Variants in TRAPPC8 observed in about 807,000 individuals in gnomAD.
The protein encoded by TRAPPC8 is trafficking protein particle complex subunit 8.
In TRAPPC8, 54 loss-of-function variants were observed where a neutral mutation model predicts 174.3. That is an observed-to-expected ratio of 0.31 (90% CI 0.25 to 0.39). TRAPPC8 has a LOEUF of 0.39. TRAPPC8 is among the 10% of genes least tolerant of loss of function. TRAPPC8 has a pLI of 1.00. For missense variants in TRAPPC8, 1,531 were observed against 1,699.1 expected (o/e 0.90, Z 1.74); for synonymous variants, 630 against 579.9 (o/e 1.09, Z -1.24).
intron 2 of TRAPPC8, among the ~76,000 whole-genome samples, chr18:31,928,173 TAAAA>T (rs1447606135): frequency 4.7e-5 from 7 of 150,032 alleles, no homozygotes; most frequent in South Asian, 2.1e-4. Context: ...TAAAATAAAA[TAAAA>T]TAAAATAAAA....
At chr18:31,918,840 C>G (rs1379850825) in intron 2 of TRAPPC8, among the ~76,000 whole-genome samples, 1 of 152,158 alleles carries the variant, frequency 6.6e-6, no homozygotes, top group Non-Finnish European at 1.5e-5. Flanking sequence ...TTTGAACTTA[C>G]GTAAAACTTA....
At chr18:31,903,805 T>C (rs1340686296) in intron 9 of TRAPPC8, among the ~76,000 whole-genome samples, 2 of 150,694 alleles carry the variant, frequency 1.3e-5, no homozygotes, top group Non-Finnish European at 3.0e-5. Context: ...GCAGGAGGAG[T>C]GCTTGAGCCC....
chr18:31,882,383 A>G (rs78298384), intron 12 of TRAPPC8, among the ~76,000 whole-genome samples: 3 of 152,140 alleles, frequency 2.0e-5, no homozygotes, highest in South Asian at 2.1e-4. Context: ...GCTCTCACTT[A>G]TAAGTGGGAG....
chr18:31,854,024 C>CATTG, intron 21 of TRAPPC8, 79 bp from the exon 22 acceptor site: 1 of 1,068,146 alleles, frequency 9.4e-7, no homozygotes, highest in Non-Finnish European at 1.4e-6. Flanking sequence ...AAAATTCAGA[C>CATTG]ACTGCTACCA....
intron 20 of TRAPPC8, 46 bp downstream of exon 20, chr18:31,857,494 T>C (rs371123284): frequency 1.4e-6 from 2 of 1,430,126 alleles, no homozygotes; most frequent in African/African-American, 2.9e-5. Context: ...TATGTGCATA[T>C]ACATTGAACA....
At chr18:31,860,549 T>C (rs190698341) in intron 19 of TRAPPC8, among the ~76,000 whole-genome samples, 1 of 152,316 alleles carries the variant, frequency 6.6e-6, no homozygotes, top group East Asian at 1.9e-4. Context: ...GATTATTTCA[T>C]CATACAGTAT....
chr18:31,931,416 A>C lies in TRAPPC8; in HGVS notation c.265T>G (p.Leu89Val). Reference sequence around the variant, plus strand: ...TGACTGCCAGAAACAACATCATTCAAAAGCTTCCGGATGGCTCCAGGCTGA... The same window carrying C: ...TGACTGCCAGAAACAACATCATTCACAAGCTTCCGGATGGCTCCAGGCTGA... Reference protein sequence around the residue: ...PPQPGAIRKLLNDVVSGSQPA... With the variant: ...PPQPGAIRKLVNDVVSGSQPA... The change falls in exon 2 of 29, where the codon TTG (leucine) becomes GTG (valine). Residue 89 changes from leucine (L) to valine (V), a missense_variant. By Grantham distance (32) the Leu-to-Val change is conservative. Coordinates refer to ENST00000283351, the MANE Select transcript of TRAPPC8 (RefSeq NM_014939.5). 1 of 1,613,308 alleles carries C rather than the reference A, an allele frequency of 6.2e-7. No homozygotes were observed. Among genetic ancestry groups the C allele is most frequent in the East Asian group, 2.2e-5 (1 of 44,868 alleles).
intron 1 of TRAPPC8, chr18:31,939,461 C>G (rs918572928): frequency 6.6e-6 from 1 of 152,188 alleles, no homozygotes; most frequent in Non-Finnish European, 1.5e-5. Flanking sequence ...TCTTACTACT[C>G]TGTACCCCAG....
At chr18:31,902,537 G>T (rs899893042) in intron 9 of TRAPPC8, among the ~76,000 whole-genome samples, 1 of 152,112 alleles carries the variant, frequency 6.6e-6, no homozygotes, top group Admixed American at 6.5e-5. Context: ...AGCTTGAAAG[G>T]TATTTCCATT....
chr18:31,889,994 T>G (rs1010956773), intron 12 of TRAPPC8, among the ~76,000 whole-genome samples: 1 of 152,206 alleles, frequency 6.6e-6, no homozygotes, highest in Admixed American at 6.5e-5. Context: ...ATTAACTAAA[T>G]CTTTAAAAGA....
At chr18:31,930,902 T>A (rs2037818686) in intron 2 of TRAPPC8, among the ~76,000 whole-genome samples, 1 of 152,174 alleles carries the variant, frequency 6.6e-6, no homozygotes, top group Admixed American at 6.6e-5. Flanking sequence ...CATATGTACA[T>A]ATATGATTTT....
At position 31,836,968 on chromosome 18, in the gene TRAPPC8, T is replaced by C. The variant is rs576121313; in HGVS notation, c.3983+2344A>G. Among the ~76,000 whole-genome samples, 3 of 152,092 alleles carry C rather than the reference T, an allele frequency of 2.0e-5. No homozygotes were observed. The South Asian group carries it at 6.2e-4, about 32-fold the overall frequency. On this transcript the variant is annotated intron_variant, in intron 27 of 28. Coordinates refer to ENST00000283351, the MANE Select transcript of TRAPPC8 (RefSeq NM_014939.5). ...TAGTAGAGATGGGGTTTCACCGTGT[T>C]AGCCAGGATGGTCTTGATCTCCTGA...
At chr18:31,856,750 A>C (rs1015425969) in intron 20 of TRAPPC8, among the ~76,000 whole-genome samples, 1 of 151,778 alleles carries the variant, frequency 6.6e-6, no homozygotes, top group Non-Finnish European at 1.5e-5. Context: ...GCCGCTCCCT[A>C]GAATAATACC....
chr18:31,867,466 TCACTTGTAA>T lies in TRAPPC8; in HGVS notation c.2390_2398del (p.Val797_Ser799del), dbSNP rs765066890. 2 of 1,604,692 alleles carry T rather than the reference TCACTTGTAA, an allele frequency of 1.2e-6. No individual in the cohort carries two copies. The highest frequency in any genetic ancestry group is 3.4e-5 in the Admixed American group (2 of 59,064). ...AACTTCAGCTCCAATCATTTCAGGT[TCACTTGTAA>T]CCTAAAAAATAAATTTCATAAATTA... is the stretch of plus-strand genomic sequence containing the variant. On this transcript the variant is annotated inframe_deletion and splice_region_variant, in exon 17 of 29. Transcript: ENST00000283351.
chr18:31,915,527 C>T (rs1178632903), intron 4 of TRAPPC8, among the ~76,000 whole-genome samples: 1 of 150,372 alleles, frequency 6.7e-6, no homozygotes, highest in East Asian at 2.0e-4. Context: ...CTTGGGAGGC[C>T]GAGGCGGGCA....
At chr18:31,931,078 A>G (rs185179189) in intron 2 of TRAPPC8, among the ~76,000 whole-genome samples, 1 of 152,314 alleles carries the variant, frequency 6.6e-6, no homozygotes, top group Admixed American at 6.5e-5. Flanking sequence ...TTATGTCACA[A>G]AAGAATTTTT....
In TRAPPC8 at chr18:31,912,085, CAG is replaced by C. The variant is rs1781677544; in HGVS notation, c.771+1282_771+1283del. On this transcript the variant is annotated intron_variant, in intron 5 of 28. Transcript: ENST00000283351. ...GGTTAAGAAAGGAGTAATTAAAAAA[CAG>C]TAACTCCTGAGAGTACATAAAGAAG... 3.3e-5 allele frequency among the ~76,000 whole-genome samples: 5 copies of C among 152,184 alleles called. No homozygotes were observed. The South Asian group carries it at 1.0e-3, about 32-fold the overall frequency.
At chr18:31,868,050 T>G (rs1423881001) in intron 16 of TRAPPC8, among the ~76,000 whole-genome samples, 1 of 152,116 alleles carries the variant, frequency 6.6e-6, no homozygotes, top group African/African-American at 2.4e-5. Context: ...GTCAATTACA[T>G]AGAAAAGATA....
intron 26 of TRAPPC8, chr18:31,844,617 GCA>G (rs1380187604): frequency 6.6e-6 from 1 of 151,518 alleles, no homozygotes; most frequent in African/African-American, 2.4e-5. Context: ...CAGGAGGAAA[GCA>G]CGTGAACAAT....
Sources: allele counts gnomAD v4.1 joint callset (sites outside exome capture counted in the v4.1 genomes callset), GRCh38; gene constraint gnomAD v4.1.1; transcripts MANE v1.5; gene names NCBI Gene and HGNC (gene_info 2026-07-23, HGNC 2026-07-21).